PKLR: variants seen among roughly 807,000 people sequenced by gnomAD.
PKLR encodes pyruvate kinase PKLR.
PKLR carries 38 observed loss-of-function variants against 53.6 expected under a neutral mutation model. The ratio of observed to expected loss-of-function variants is 0.71; its 90% confidence interval spans 0.55 to 0.93. PKLR has a LOEUF of 0.93. PKLR is among the 40% of genes least tolerant of loss of function. PKLR has a pLI of 0.00. For missense variants in PKLR, 702 were observed against 787.3 expected (o/e 0.89, Z 1.30); for synonymous variants, 328 against 316.2 (o/e 1.04, Z -0.39).
upstream of PKLR, among the ~76,000 whole-genome samples, chr1:155,304,593 CA>C (rs1648181246): frequency 1.3e-5 from 2 of 152,056 alleles, no homozygotes; most frequent in Non-Finnish European, 2.9e-5. Flanking sequence ...GAAGAGCCAG[CA>C]GAGTGGAACG....
In PKLR at chr1:155,289,495, G is replaced by A. The variant is rs1259369265; in HGVS notation, c.*1077C>T. On this transcript the variant is annotated 3_prime_UTR_variant, in exon 11 of 11. Transcript: ENST00000342741. The stretch of plus-strand genomic sequence containing the variant: ...AATACTTGAACCTTCTCCCAGGTAG[G>A]GGCAGGAGGAGCCACATGAGAGAGG... 6.6e-6 allele frequency: 1 copy of A among 152,268 alleles called. No homozygotes were observed. The highest frequency in any genetic ancestry group is 1.9e-4 in the East Asian group (1 of 5,266). The allele number at this position is 152,268 out of a possible 1,614,324, so 9.4% of individuals were successfully genotyped here. A position where few individuals can be genotyped will look rare whatever the true frequency, so the allele number is the denominator to read the frequency against.
At chr1:155,299,956 G>A in intron 2 of PKLR, 142 bp downstream of exon 2, 1 of 813,592 alleles carries the variant, frequency 1.2e-6, no homozygotes, top group Non-Finnish European at 2.0e-6. Flanking sequence ...CCAAAATCTT[G>A]TCTACTATAT....
rs1347527179 is a variant in PKLR, at chr1:155,295,374, G to T, written c.507+63C>A. 4 of 1,612,622 alleles carry T rather than the reference G, an allele frequency of 2.5e-6. No homozygotes were observed. In the East Asian group the frequency reaches 6.7e-5, roughly 27 times the overall value. On this transcript the variant is annotated intron_variant, in intron 4 of 10. Coordinates refer to ENST00000342741, the MANE Select transcript of PKLR (RefSeq NM_000298.6). The surrounding 1 kb of genome is among the most constrained non-coding windows in gnomAD (Gnocchi z 4.3). ...GGGACCCGCCCCTGCCCACGCCTGG[G>T]CCCAACCCTACAGGCGCCGCCTTTC...
At chr1:155,303,906 G>T (rs1195827954), upstream of PKLR, among the ~76,000 whole-genome samples, 1 of 152,110 alleles carries the variant, frequency 6.6e-6, no homozygotes, top group Non-Finnish European at 1.5e-5. Context: ...TGGAGAAAGG[G>T]GTTTTCCATG....
chr1:155,299,802 G>A (rs922379734), intron 2 of PKLR, among the ~76,000 whole-genome samples: 4 of 151,956 alleles, frequency 2.6e-5, no homozygotes, highest in Admixed American at 6.6e-5. Context: ...CACCATGCCC[G>A]GCCTCACTTT....
chr1:155,308,653 A>G, the PKLR span: 1 of 985,320 alleles, frequency 1.0e-6, no homozygotes, highest in Non-Finnish European at 1.2e-6. Context: ...TCCGGCACTG[A>G]CGCCTCCAGC....
rs1674479724 is a variant in PKLR at position 155,290,448 on chromosome 1, G to A, written c.*124C>T. On this transcript the variant is annotated 3_prime_UTR_variant, in exon 11 of 11. Transcript: ENST00000342741. ...TCTCAGATAGGCCTCAGGTAGGGAGGGTCAGGAATAGAGAAGAGAGGACTT... is the reference window on the plus strand; with the variant it reads ...TCTCAGATAGGCCTCAGGTAGGGAGAGTCAGGAATAGAGAAGAGAGGACTT... 2.9e-6 allele frequency: 2 copies of A among 693,136 alleles called. No individual in the cohort carries two copies. The highest frequency in any genetic ancestry group is 2.0e-5 in the Admixed American group (1 of 49,226). 42.9% of individuals were successfully genotyped at this position (693,136 alleles called of 1,614,324 possible). A position where few individuals can be genotyped will look rare whatever the true frequency, so the allele number is the denominator to read the frequency against.
intron 2 of PKLR, among the ~76,000 whole-genome samples, chr1:155,296,884 T>C (rs1647630882): frequency 6.6e-6 from 1 of 152,070 alleles, no homozygotes; most frequent in Non-Finnish European, 1.5e-5. Flanking sequence ...CTGCATCTGT[T>C]CTTGTCAAGG....
chr1:155,306,996 C>T, the PKLR span, among the ~76,000 whole-genome samples: 33 of 152,166 alleles, frequency 2.2e-4, no homozygotes, highest in Non-Finnish European at 4.3e-4. This position sits in a 1 kb window ranked among gnomAD's most constrained non-coding sequence, Gnocchi z 4.2. Context: ...TTCACCACAA[C>T]CTCTGCCTCC....
chr1:155,294,861 C>T (rs1314964860), intron 5 of PKLR, 109 bp from the exon 6 acceptor site: 47 of 1,345,986 alleles, frequency 3.5e-5, no homozygotes, highest in Non-Finnish European at 4.8e-5. Context: ...CCATGTCCTC[C>T]TCATCTCTCC....
intron 2 of PKLR, among the ~76,000 whole-genome samples, chr1:155,297,297 T>C (rs901658694): frequency 6.6e-6 from 1 of 152,116 alleles, no homozygotes; most frequent in Non-Finnish European, 1.5e-5. Flanking sequence ...AGACTCAACA[T>C]GTCCCAAGCA....
Position 155,290,559 on chromosome 1 carries a change from A to T in PKLR, c.*13T>A, listed in dbSNP as rs1052177. The T allele has an allele frequency of 1.3e-6, 2 of 1,530,574 alleles. No individual in the cohort carries two copies. The highest frequency in any genetic ancestry group is 1.4e-5 in the African/African-American group (1 of 72,642). 94.8% of individuals were successfully genotyped at this position (1,530,574 alleles called of 1,614,324 possible). ...GTACAAGGGTAGGCTGGGCCAGAGG[A>T]GGGAGGGGCGTCTCAGGATATGCTT... is the stretch of plus-strand genomic sequence containing the variant. On this transcript the variant is annotated 3_prime_UTR_variant, in exon 11 of 11. Transcript: ENST00000342741.
At position 155,295,376 on chromosome 1, in the gene PKLR, C is replaced by CCAA. The variant is rs1647512630; in HGVS notation, c.507+58_507+60dup. ...GACCCGCCCCTGCCCACGCCTGGGC[C>CCAA]CAACCCTACAGGCGCCGCCTTTCCG... On this transcript the variant is annotated intron_variant, in intron 4 of 10. Coordinates refer to ENST00000342741, the MANE Select transcript of PKLR (RefSeq NM_000298.6). The surrounding 1 kb of genome is among the most constrained non-coding windows in gnomAD (Gnocchi z 4.3). 10 of 1,612,876 alleles carry CCAA rather than the reference C, an allele frequency of 6.2e-6. No homozygotes were observed. Among genetic ancestry groups the CCAA allele is most frequent in the Non-Finnish European group, 8.5e-6 (10 of 1,179,440 alleles).
upstream of PKLR, among the ~76,000 whole-genome samples, chr1:155,302,207 T>C (rs1478178890): frequency 6.6e-6 from 1 of 150,738 alleles, no homozygotes; most frequent in Non-Finnish European, 1.5e-5. Context: ...CACACCCAGC[T>C]AATTTTGTTT....
Position 155,290,353 on chromosome 1 carries a change from G to C in PKLR, c.*219C>G. ...GGTGGCCAGTGCATAATTGGACACAGACTTTCAGGACCTGTGTGAAATGGA... is the reference window on the plus strand; with the variant it reads ...GGTGGCCAGTGCATAATTGGACACACACTTTCAGGACCTGTGTGAAATGGA... On this transcript the variant is annotated 3_prime_UTR_variant, in exon 11 of 11. Transcript: ENST00000342741. 1.7e-6 allele frequency: 1 copy of C among 587,160 alleles called. No individual in the cohort carries two copies. The highest frequency in any genetic ancestry group is 3.1e-6 in the Non-Finnish European group (1 of 327,446). The allele number at this position is 587,160 out of a possible 1,614,324, so 36.4% of individuals were successfully genotyped here.
In PKLR at chr1:155,293,845, A is replaced by C. The variant is rs1647373806; in HGVS notation, c.1117-255T>G. Among the ~76,000 whole-genome samples the C allele has an allele frequency of 6.6e-6, 1 of 152,174 alleles. No homozygotes were observed. ...TCATCCAAATGTGCTATAAACCTAC[A>C]GTGTGGGCTGGGTGCAGTGGCTCAC... is the stretch of plus-strand genomic sequence containing the variant. On this transcript the variant is annotated intron_variant, in intron 7 of 10. Coordinates refer to ENST00000342741, the MANE Select transcript of PKLR (RefSeq NM_000298.6). The surrounding 1 kb of genome is among the most constrained non-coding windows in gnomAD (Gnocchi z 4.2).
rs150077703 is a variant in PKLR at position 155,301,304 on chromosome 1, G to A, written c.92C>T (p.Ala31Val). The A allele has an allele frequency of 3.0e-4, 479 of 1,613,978 alleles. 1 individual carries two copies. In the Middle Eastern group the frequency reaches 5.4e-3, roughly 18 times the overall value. Residue 31 changes from alanine to valine, a missense_variant, in exon 1 of 11, where the codon GCT becomes GTT. By Grantham distance (64) the Ala-to-Val change is moderately conservative (BLOSUM62 0). Coordinates refer to ENST00000342741, the MANE Select transcript of PKLR (RefSeq NM_000298.6). ...CTGTCTCCCCTTCTTACCTCCTGGA[G>A]CCCCAATCAGGATGGACTTTGCTAA... ...RDLAKSILIG[A>V]PGGPAGYLRR... is the part of the protein sequence containing the mutation.
chr1:155,294,854 T>C (rs1647467978), intron 5 of PKLR, 102 bp from the exon 6 acceptor site: 1 of 1,407,598 alleles, frequency 7.1e-7, no homozygotes, highest in Non-Finnish European at 9.9e-7. Flanking sequence ...TCAGGAACCA[T>C]GTCCTCCTCA....
chr1:155,300,493 G>A (rs1210511201), intron 1 of PKLR, among the ~76,000 whole-genome samples: 1 of 152,150 alleles, frequency 6.6e-6, no homozygotes, highest in East Asian at 1.9e-4. Context: ...CTGAGAAACA[G>A]GAAATAAATG....
Sources: allele counts gnomAD v4.1 joint callset (sites outside exome capture counted in the v4.1 genomes callset), GRCh38; gene constraint gnomAD v4.1.1; non-coding constraint Gnocchi (gnomAD v3.1); transcripts MANE v1.5; gene names NCBI Gene and HGNC (gene_info 2026-07-23, HGNC 2026-07-21).